Variants in NBR1 observed in about 807,000 individuals in gnomAD.
NBR1 encodes the protein next to BRCA1 gene 1 protein.
Under a neutral mutation model 115.5 loss-of-function variants are expected in NBR1, and 59 were observed. The ratio of observed to expected loss-of-function variants is 0.51; its 90% CI spans 0.41 to 0.63. The LOEUF (loss-of-function observed/expected upper bound fraction) is 0.63, where lower values mean the gene tolerates loss of function less well. Ranked by LOEUF, NBR1 falls within the 30% of genes least tolerant of loss-of-function variation. The pLI, the probability that NBR1 is intolerant of heterozygous loss-of-function variation, is 0.00. For synonymous variants in NBR1, 373 were observed against 414.7 expected (o/e 0.90, Z 1.22); for missense variants, 1,043 against 1,150.5 (o/e 0.91, Z 1.35).
intron 20 of NBR1, among the ~76,000 whole-genome samples, chr17:43,205,430 C>CGA (rs2057294948): frequency 6.6e-6 from 1 of 152,124 alleles, no homozygotes; most frequent in East Asian, 1.9e-4. Context: ...GTAAGGCTTT[C>CGA]TGGTAGATGA....
At chr17:43,191,335 T>A in intron 9 of NBR1, 37 bp from the exon 10 acceptor site, 1 of 1,479,404 alleles carries the variant, frequency 6.8e-7, no homozygotes, top group Non-Finnish European at 9.3e-7. Context: ...AATTTATTTG[T>A]GACTTTCTTT....
intron 10 of NBR1, among the ~76,000 whole-genome samples, chr17:43,192,002 G>A (rs1295789668): frequency 6.9e-6 from 1 of 144,330 alleles, no homozygotes; most frequent in Admixed American, 7.2e-5. Context: ...TTACAGGCAT[G>A]AGCCACACAG....
At position 43,177,958 on chromosome 17, in the gene NBR1, A is replaced by G. The variant is rs1350457762; in HGVS notation, c.125A>G (p.Asn42Ser). ...TAGGTAAAAGTTTCATTTGATCTGA[A>G]TACTATTCAAATAAAATACCTGGAT... ...EAMVKVSFDL[N>S]TIQIKYLDEE... The change falls in exon 3 of 21, where the codon AAT (asparagine) becomes AGT (serine). Residue 42 changes from asparagine to serine, a missense_variant. Physicochemically the swap from Asn to Ser is conservative, Grantham distance 46. Coordinates refer to ENST00000590996, the MANE Select transcript of NBR1 (RefSeq NM_005899.5). The G allele has an allele frequency of 1.3e-6, 2 of 1,559,886 alleles. No individual in the cohort carries two copies. The highest frequency in any genetic ancestry group is 1.1e-5 in the South Asian group (1 of 89,312).
At chr17:43,204,700 A>C (rs548813654) in intron 20 of NBR1, among the ~76,000 whole-genome samples, 1 of 151,604 alleles carries the variant, frequency 6.6e-6, no homozygotes, top group Non-Finnish European at 1.5e-5. Context: ...CTGTAGTCCC[A>C]GCTACTCGGG....
chr17:43,194,225 T>G (rs2057015544), intron 12 of NBR1, 125 bp from the exon 13 acceptor site: 1 of 907,610 alleles, frequency 1.1e-6, no homozygotes, highest in Non-Finnish European at 1.6e-6. Context: ...TGTAAAAATA[T>G]ATCAAAAACA....
intron 12 of NBR1, 40 bp downstream of exon 12, chr17:43,193,678 C>T: frequency 2.6e-6 from 4 of 1,559,378 alleles, no homozygotes; most frequent in Non-Finnish European, 3.5e-6. Flanking sequence ...GTATCCAAAT[C>T]TTAGTTAGAG....
intron 1 of NBR1, among the ~76,000 whole-genome samples, chr17:43,174,262 C>T: frequency 6.6e-6 from 1 of 152,090 alleles, no homozygotes; most frequent in East Asian, 1.9e-4. Context: ...TCATTATATT[C>T]TCTCTACTTT....
intron 1 of NBR1, among the ~76,000 whole-genome samples, chr17:43,175,506 C>A (rs1203535102): frequency 6.6e-6 from 1 of 152,238 alleles, no homozygotes; most frequent in South Asian, 2.1e-4. Flanking sequence ...CACATGTTTC[C>A]AACATGTGGA....
chr17:43,206,896 C>G (rs930401850), intron 20 of NBR1, among the ~76,000 whole-genome samples: 8 of 152,060 alleles, frequency 5.3e-5, no homozygotes, highest in Admixed American at 2.6e-4. Flanking sequence ...AACCTTATCT[C>G]TACAAAAAAT....
chr17:43,199,759 AGAG>A (rs1190664951), intron 16 of NBR1, among the ~76,000 whole-genome samples: 4 of 152,308 alleles, frequency 2.6e-5, no homozygotes, highest in African/African-American at 7.2e-5. Flanking sequence ...TTTGTAAAGA[AGAG>A]GAGGAGATAG....
intron 16 of NBR1, among the ~76,000 whole-genome samples, chr17:43,199,442 C>T (rs559234793): frequency 5.9e-5 from 9 of 151,482 alleles, no homozygotes; most frequent in East Asian, 1.9e-4. Context: ...AGCGCGGTCT[C>T]GGCTGACTGC....
chr17:43,204,952 G>C (rs910729527), intron 20 of NBR1, among the ~76,000 whole-genome samples: 1 of 152,020 alleles, frequency 6.6e-6, no homozygotes, highest in East Asian at 1.9e-4. Flanking sequence ...CTCCAGCTTG[G>C]GTGACTGAGC....
upstream of NBR1, chr17:43,171,148 G>A (rs1239013702): frequency 6.5e-6 from 1 of 152,718 alleles, no homozygotes; most frequent in African/African-American, 2.4e-5. Context: ...CAAGTGGTGA[G>A]AGCCAATCAT....
At chr17:43,179,285 T>C in intron 3 of NBR1, 109 bp from the exon 4 acceptor site, 1 of 932,246 alleles carries the variant, frequency 1.1e-6, no homozygotes, top group Non-Finnish European at 1.7e-6. Flanking sequence ...ATGGAAAAGC[T>C]GAACGCTTGG....
intron 20 of NBR1, among the ~76,000 whole-genome samples, chr17:43,206,609 C>T (rs2057323028): frequency 6.7e-6 from 1 of 150,348 alleles, no homozygotes; most frequent in African/African-American, 2.5e-5. Context: ...GAGCTGAAAT[C>T]ATGCCACTGC....
intron 4 of NBR1, among the ~76,000 whole-genome samples, 189 bp from the exon 5 acceptor site, chr17:43,180,606 G>A (rs897117860): frequency 3.3e-5 from 5 of 152,110 alleles, no homozygotes; most frequent in Non-Finnish European, 7.4e-5. Context: ...TATAATTTAC[G>A]ATTATTTAAC....
intron 2 of NBR1, among the ~76,000 whole-genome samples, chr17:43,177,620 C>CACACACACACACACACAG (rs1330894405): frequency 1.6e-4 from 23 of 141,684 alleles, no homozygotes; most frequent in African/African-American, 5.6e-4. Flanking sequence ...CACACACACA[C>CACACACACACACACACAG]AGTTTGGTAT....
intron 20 of NBR1, among the ~76,000 whole-genome samples, chr17:43,208,267 G>A (rs1420057028): frequency 2.0e-5 from 3 of 152,210 alleles, no homozygotes; most frequent in Non-Finnish European, 4.4e-5. Flanking sequence ...AGATGGGCAA[G>A]CCAGCAGTGA....
At chr17:43,191,262 A>G (rs936168734) in intron 9 of NBR1, 110 bp from the exon 10 acceptor site, 15 of 793,850 alleles carry the variant, frequency 1.9e-5, no homozygotes, top group South Asian at 1.3e-4. Context: ...TCTAAAACAA[A>G]AAAAGAAATT....
Sources: allele counts gnomAD v4.1 joint callset (sites outside exome capture counted in the v4.1 genomes callset), GRCh38; gene constraint gnomAD v4.1.1; transcripts MANE v1.5; gene names NCBI Gene and HGNC (gene_info 2026-07-23, HGNC 2026-07-21).